Variants in MID1 observed in about 807,000 individuals in gnomAD.
The protein encoded by MID1 is midline 1.
MID1 carries 7 observed loss-of-function variants against 40.4 expected under a neutral mutation model. The observed-to-expected ratio is 0.17, with a 90% confidence interval of 0.10 to 0.33. MID1 has a LOEUF of 0.33. Among genes scored for constraint, MID1 ranks in the 10% least tolerant of loss-of-function variants. The pLI is 1.00. For synonymous variants in MID1, 229 were observed against 221.2 expected, an observed-to-expected ratio of 1.04 and a Z score of -0.31; for missense variants, 367 against 558.5, an observed-to-expected ratio of 0.66 and a Z score of 3.46.
At chrX:10,632,973 G>A (rs2147557207) in intron 1 of MID1, among the ~76,000 whole-genome samples, 1 of 111,733 alleles carries the variant, frequency 8.9e-6, no homozygotes, top group Admixed American at 9.5e-5. Flanking sequence ...CAGGTTGTAT[G>A]CCCAAGAAGC....
At chrX:10,530,738 T>C (rs926573427) in intron 2 of MID1, among the ~76,000 whole-genome samples, 5 of 111,787 alleles carry the variant, frequency 4.5e-5, no homozygotes, top group Non-Finnish European at 7.5e-5. Flanking sequence ...CAGCAGAGAA[T>C]AGTAAATCCA....
At chrX:10,565,192 T>C (rs879191053) in intron 2 of MID1, 3 of 331,390 alleles carry the variant, frequency 9.1e-6, no homozygotes, top group South Asian at 7.8e-5. Flanking sequence ...TCTTCTGTTG[T>C]CTGTGTCACC....
chrX:10,693,103 G>A (rs187753460), intron 1 of MID1, among the ~76,000 whole-genome samples: 4 of 110,320 alleles, frequency 3.6e-5, no homozygotes, highest in East Asian at 2.8e-4. Context: ...CCCTCTGATC[G>A]ATTTGTTTAT....
chrX:10,811,535 G>C (rs2044101782), intron 1 of MID1, among the ~76,000 whole-genome samples: 1 of 112,343 alleles, frequency 8.9e-6, no homozygotes, highest in Admixed American at 9.5e-5. Context: ...GAGTTGAAAG[G>C]TCAACAAATG....
At chrX:10,466,348 CT>C (rs1929385195) in intron 7 of MID1, among the ~76,000 whole-genome samples, 1 of 112,013 alleles carries the variant, frequency 8.9e-6, no homozygotes, top group Non-Finnish European at 1.9e-5. Flanking sequence ...ATATTCCCCC[CT>C]TTTTGTTGTG....
chrX:10,552,852 T>C (rs944928409), intron 2 of MID1, among the ~76,000 whole-genome samples: 1 of 112,101 alleles, frequency 8.9e-6, no homozygotes. Flanking sequence ...TGATGAGGAA[T>C]TGAGGCTTGA....
intron 1 of MID1, among the ~76,000 whole-genome samples, chrX:10,747,155 A>G (rs1234226000): frequency 9.0e-6 from 1 of 111,631 alleles, no homozygotes; most frequent in Non-Finnish European, 1.9e-5. Context: ...TAGTGGGGTC[A>G]GCATGAAGAC....
chrX:10,449,152 T>C lies in MID1; in HGVS notation c.*216A>G. On this transcript the variant is annotated 3_prime_UTR_variant, in exon 10 of 10. Transcript: ENST00000317552. ...TATAAATAATCTATAGATTTTCCTC[T>C]AAATACAAAAAAATTAAAGAAATTA... 1 of 366,065 alleles carries C rather than the reference T, an allele frequency of 2.7e-6. No individual in the cohort carries two copies. 30.2% of individuals were successfully genotyped at this position (366,065 alleles called of 1,213,427 possible).
intron 1 of MID1, among the ~76,000 whole-genome samples, chrX:10,636,218 ACAGAGGGG>A (rs960997453): frequency 8.9e-5 from 10 of 112,155 alleles, no homozygotes; most frequent in African/African-American, 3.2e-4. Context: ...ATCCAGCAAC[ACAGAGGGG>A]AAAAATGAAG....
At chrX:10,664,275 C>T (rs948757239) in intron 1 of MID1, among the ~76,000 whole-genome samples, 1 of 111,642 alleles carries the variant, frequency 9.0e-6, no homozygotes, top group African/African-American at 3.3e-5. Flanking sequence ...GATTCTCCTG[C>T]CTCAGCCTCC....
At chrX:10,690,269 C>T (rs752991255) in intron 1 of MID1, among the ~76,000 whole-genome samples, 5 of 111,970 alleles carry the variant, frequency 4.5e-5, no homozygotes, top group African/African-American at 1.6e-4. Flanking sequence ...GATCTCTTGG[C>T]TAGCAAGTAG....
chrX:10,701,219 A>G (rs1429198180), intron 1 of MID1, among the ~76,000 whole-genome samples: 1 of 112,065 alleles, frequency 8.9e-6, no homozygotes, highest in African/African-American at 3.2e-5. Flanking sequence ...TAGTTCTTAC[A>G]TCGCAACCAG....
chrX:10,833,109 A>G (rs1349164592), intron 1 of MID1, among the ~76,000 whole-genome samples: 1 of 112,374 alleles, frequency 8.9e-6, no homozygotes, highest in Non-Finnish European at 1.9e-5. Flanking sequence ...TGAATGAAAA[A>G]TGATACCTTC....
chrX:10,700,647 C>T (rs903806889), intron 1 of MID1, among the ~76,000 whole-genome samples: 2 of 112,182 alleles, frequency 1.8e-5, no homozygotes, highest in Admixed American at 9.4e-5. Context: ...GATTAAGGGG[C>T]ACAATCTTAT....
chrX:10,634,944 C>T (rs1169750779), intron 1 of MID1, among the ~76,000 whole-genome samples: 1 of 112,599 alleles, frequency 8.9e-6, no homozygotes, highest in African/African-American at 3.2e-5. Flanking sequence ...TAATGCATCC[C>T]GCGAAGCTGA....
intron 9 of MID1, among the ~76,000 whole-genome samples, chrX:10,453,606 G>A (rs1468048276): frequency 1.8e-5 from 2 of 112,179 alleles, no homozygotes; most frequent in Non-Finnish European, 3.8e-5. Flanking sequence ...CCCTCTGCCT[G>A]TTTTTATAAA....
chrX:10,703,679 T>C (rs2043207252), intron 1 of MID1, among the ~76,000 whole-genome samples: 1 of 111,866 alleles, frequency 8.9e-6, no homozygotes, highest in South Asian at 3.7e-4. Flanking sequence ...AAAAAGTTTA[T>C]TATATCTAAA....
chrX:10,817,516 C>T (rs867474147), intron 1 of MID1, among the ~76,000 whole-genome samples: 1 of 35,391 alleles, frequency 2.8e-5, no homozygotes, highest in African/African-American at 1.1e-4. Context: ...CTTTTTTTCT[C>T]TTTCTTTCTT....
At chrX:10,656,764 T>TAA (rs1569139516) in intron 1 of MID1, among the ~76,000 whole-genome samples, 7 of 109,817 alleles carry the variant, frequency 6.4e-5, no homozygotes, top group African/African-American at 2.3e-4. Context: ...GTGATTTTTT[T>TAA]TAAAAAAAAA....
Sources: allele counts gnomAD v4.1 joint callset (sites outside exome capture counted in the v4.1 genomes callset), GRCh38; gene constraint gnomAD v4.1.1; transcripts MANE v1.5; gene names NCBI Gene and HGNC (gene_info 2026-07-23, HGNC 2026-07-21).